PLXNC1: variants seen among roughly 807,000 people sequenced by gnomAD.
The protein encoded by PLXNC1 is plexin C1.
PLXNC1 carries 75 observed loss-of-function variants against 178.2 expected under a neutral mutation model. The ratio of observed to expected loss-of-function variants is 0.42; its 90% CI spans 0.35 to 0.51. PLXNC1 has a LOEUF of 0.51. PLXNC1 is among the 20% of genes least tolerant of loss of function. PLXNC1 has a pLI of 0.02. For missense variants in PLXNC1, 1,503 were observed against 1,984.4 expected (o/e 0.76, Z 4.61); for synonymous variants, 790 against 779.9 (o/e 1.01, Z -0.22).
In PLXNC1 at chr12:94,298,715, CTTT is replaced by C. The variant is rs1565872790; in HGVS notation, c.4162_4164del (p.Phe1388del). On this transcript the variant is annotated inframe_deletion, in exon 27 of 31. Coordinates refer to ENST00000258526, the MANE Select transcript of PLXNC1 (RefSeq NM_005761.3). The stretch of plus-strand genomic sequence containing the variant: ...GCAGAGCTCCATTTGCTATAAAATA[CTTT>C]TTTGACTTTTTGGACGCCCAGGCTG... 6.2e-7 allele frequency: 1 copy of C among 1,613,166 alleles called. No individual in the cohort carries two copies. The highest frequency in any genetic ancestry group is 8.5e-7 in the Non-Finnish European group (1 of 1,179,764).
chr12:94,186,153 G>A (rs1049006409), intron 3 of PLXNC1: 7 of 440,438 alleles, frequency 1.6e-5, no homozygotes, highest in East Asian at 7.3e-5. Flanking sequence ...GAGTCTCTGC[G>A]GCAGAGGCCT....
At position 94,160,925 on chromosome 12, in the gene PLXNC1, G is replaced by A. The variant is rs557213140; in HGVS notation, c.1063-8228G>A. Among the ~76,000 whole-genome samples, 22 of 152,316 alleles carry A rather than the reference G, an allele frequency of 1.4e-4. 1 individual carries two copies. The highest frequency in any genetic ancestry group is 3.8e-4 in the African/African-American group (16 of 41,562). ...TACCATAATTTCAAAGTAGAGATGAGCATAAATGATACTTTGAGATATCTG... is the reference window on the plus strand; with the variant it reads ...TACCATAATTTCAAAGTAGAGATGAACATAAATGATACTTTGAGATATCTG... On this transcript the variant is annotated intron_variant, in intron 1 of 30. Coordinates refer to ENST00000258526, the MANE Select transcript of PLXNC1 (RefSeq NM_005761.3).
chr12:94,224,516 G>A (rs1401600777), intron 7 of PLXNC1, among the ~76,000 whole-genome samples: 1 of 152,156 alleles, frequency 6.6e-6, no homozygotes, highest in African/African-American at 2.4e-5. Flanking sequence ...GTAAGCTGGC[G>A]CTGCGAGGGA....
chr12:94,177,077 G>GTA (rs199809165), intron 2 of PLXNC1, among the ~76,000 whole-genome samples: 27 of 116,512 alleles, frequency 2.3e-4, no homozygotes, highest in African/African-American at 7.0e-4. Context: ...GTGTGTGTGT[G>GTA]TATATATATA....
intron 2 of PLXNC1, among the ~76,000 whole-genome samples, chr12:94,174,366 C>T (rs1038641461): frequency 6.6e-6 from 1 of 151,754 alleles, no homozygotes; most frequent in Non-Finnish European, 1.5e-5. Context: ...TTTGTATGGA[C>T]AGGGTTTTGC....
At chr12:94,182,006 G>A (rs577087287) in intron 3 of PLXNC1, among the ~76,000 whole-genome samples, 2 of 152,036 alleles carry the variant, frequency 1.3e-5, no homozygotes, top group African/African-American at 2.4e-5. Flanking sequence ...GAAATATATG[G>A]TACTCCCCCT....
chr12:94,298,649 G>C lies in PLXNC1; in HGVS notation c.4092G>C (p.Val1364=). 1 of 1,598,800 alleles carries C rather than the reference G, an allele frequency of 6.3e-7. No homozygotes were observed. The highest frequency in any genetic ancestry group is 8.5e-7 in the Non-Finnish European group (1 of 1,175,812). Residue 1364 remains valine (V), a synonymous_variant, in exon 27 of 31, where the codon GTG becomes GTC. Coordinates refer to ENST00000258526, the MANE Select transcript of PLXNC1 (RefSeq NM_005761.3). ...TCTTTCAGGTGGCAATTCATTCTGT[G>C]CTTGAAAAACTTTTTAGAAGCATTT... ...LLSTKVAIHS[V]LEKLFRSIWS... is the part of the protein sequence containing the mutation.
intron 6 of PLXNC1, among the ~76,000 whole-genome samples, chr12:94,222,473 A>G (rs117132487): frequency 0.019 from 2,964 of 152,230 alleles, 41 homozygotes; most frequent in Non-Finnish European, 0.03. Flanking sequence ...TGCCCTTGCC[A>G]GATTCTGCTC....
chr12:94,262,585 AG>A lies in PLXNC1; in HGVS notation c.3450+1747del, dbSNP rs1327908768. 3.0e-6 allele frequency: 3 copies of A among 985,306 alleles called. No individual in the cohort carries two copies. In the East Asian group the frequency reaches 3.4e-4, roughly 112 times the overall value. 61.0% of individuals were successfully genotyped at this position (985,306 alleles called of 1,614,324 possible). A position where few individuals can be genotyped will look rare whatever the true frequency, so the allele number is the denominator to read the frequency against. Reference sequence around the variant, plus strand: ...TGAGGGGGCGGCTCGGCTCGCCAGGAGGAAGTGGCATCCAGCCAGTCGGCGA... The same window carrying A: ...TGAGGGGGCGGCTCGGCTCGCCAGGAGAAGTGGCATCCAGCCAGTCGGCGA... On this transcript the variant is annotated intron_variant, in intron 20 of 30. Coordinates refer to ENST00000258526, the MANE Select transcript of PLXNC1 (RefSeq NM_005761.3).
At chr12:94,189,671 C>T (rs1592748271) in intron 4 of PLXNC1, among the ~76,000 whole-genome samples, 1 of 86,378 alleles carries the variant, frequency 1.2e-5, no homozygotes, top group Admixed American at 1.2e-4. Flanking sequence ...CAAAGTGAGA[C>T]CCTGTCTCAA....
intron 27 of PLXNC1, among the ~76,000 whole-genome samples, chr12:94,299,650 A>G (rs1404893831): frequency 6.6e-6 from 1 of 151,916 alleles, no homozygotes; most frequent in Admixed American, 6.6e-5. Context: ...ACCTCTGCCT[A>G]CTGGGCTCAA....
intron 6 of PLXNC1, among the ~76,000 whole-genome samples, chr12:94,221,162 A>C (rs577338166): frequency 2.6e-5 from 4 of 152,244 alleles, no homozygotes; most frequent in African/African-American, 9.6e-5. Context: ...CCATGGAGGC[A>C]GGGACTTGGA....
At chr12:94,151,369 T>A (rs1960955798) in intron 1 of PLXNC1, among the ~76,000 whole-genome samples, 1 of 152,184 alleles carries the variant, frequency 6.6e-6, no homozygotes, top group Admixed American at 6.5e-5. Flanking sequence ...AACGGTCACT[T>A]GCTGCTGCTT....
intron 4 of PLXNC1, among the ~76,000 whole-genome samples, chr12:94,207,080 A>G (rs1963322405): frequency 6.6e-6 from 1 of 152,218 alleles, no homozygotes; most frequent in Non-Finnish European, 1.5e-5. Flanking sequence ...AGATTTTATA[A>G]TCTGCAGTAT....
chr12:94,268,327 T>C (rs1320402404), intron 21 of PLXNC1, among the ~76,000 whole-genome samples: 1 of 152,216 alleles, frequency 6.6e-6, no homozygotes, highest in Admixed American at 6.5e-5. Context: ...TCTTCTTGCA[T>C]ATTGAGAAGA....
At chr12:94,288,774 G>C (rs1055880764) in intron 23 of PLXNC1, among the ~76,000 whole-genome samples, 2 of 152,240 alleles carry the variant, frequency 1.3e-5, no homozygotes, top group African/African-American at 4.8e-5. Context: ...GACGGAGGGA[G>C]AGCAATATTG....
intron 2 of PLXNC1, among the ~76,000 whole-genome samples, chr12:94,177,097 ATATATGTGTGTGTG>A (rs1483311052): frequency 1.4e-5 from 2 of 142,688 alleles, no homozygotes; most frequent in African/African-American, 5.2e-5. Flanking sequence ...ATGTGTATAT[ATATATGTGTGTGTG>A]TATATATGTG....
At chr12:94,301,772 CTT>C (rs1193653246) in intron 28 of PLXNC1, among the ~76,000 whole-genome samples, 1 of 152,172 alleles carries the variant, frequency 6.6e-6, no homozygotes, top group Non-Finnish European at 1.5e-5. Context: ...AATCTAAACT[CTT>C]TATCAGCAGT....
chr12:94,292,514 T>C (rs892285707), intron 23 of PLXNC1, among the ~76,000 whole-genome samples: 7 of 152,184 alleles, frequency 4.6e-5, no homozygotes, highest in Non-Finnish European at 7.3e-5. Flanking sequence ...TACAAGCTTT[T>C]GAAAAAATGT....
Sources: gnomAD v4.1 joint callset for allele counts (sites outside exome capture counted in the v4.1 genomes callset) on GRCh38, gnomAD v4.1.1 for gene constraint, MANE v1.5 for transcripts, NCBI Gene and HGNC (gene_info 2026-07-23, HGNC 2026-07-21) for gene names.